Variants in NDST2 observed in about 807,000 individuals in gnomAD.
The protein encoded by NDST2 is bifunctional heparan sulfate N-deacetylase/N-sulfotransferase 2.
NDST2 carries 32 observed loss-of-function variants against 86.9 expected under a neutral mutation model. The ratio of observed to expected loss-of-function variants is 0.37; its 90% CI spans 0.28 to 0.49. The LOEUF is 0.49. NDST2 is among the 20% of genes least tolerant of loss of function. The probability of loss-of-function intolerance (pLI) is 0.97; values close to 1 mark genes in which losing one functional copy is unlikely to be tolerated. For missense variants in NDST2, 950 were observed against 1,146.9 expected (o/e 0.83, Z 2.48); for synonymous variants, 409 against 437.0 (o/e 0.94, Z 0.80).
In NDST2 at chr10:73,803,349, G is replaced by T. The variant is rs771374780; in HGVS notation, c.2153C>A (p.Ala718Asp). 6.2e-7 allele frequency: 1 copy of T among 1,614,188 alleles called. No individual in the cohort carries two copies. Among genetic ancestry groups the T allele is most frequent in the Non-Finnish European group, 8.5e-7 (1 of 1,180,014 alleles). ...GTTCAGAGCAACTGGGTCTCCATGG[G>T]CTCGCTGATGCTGAAGGACAAAGAG... is the stretch of plus-strand genomic sequence containing the variant. ...RAYSWYQHQRAHGDPVALNYT... is the reference protein window; with the variant it reads ...RAYSWYQHQRDHGDPVALNYT... The change falls in exon 12 of 15, where the codon GCC becomes GAC. Residue 718 changes from alanine (A) to aspartate (D), a missense_variant. By Grantham distance (126) the Ala-to-Asp change is moderately radical (BLOSUM62 -2). Transcript: ENST00000309979.
intron 9 of NDST2, 121 bp from the exon 10 acceptor site, chr10:73,804,137 A>G (rs2084058427): frequency 8.7e-7 from 1 of 1,149,252 alleles, no homozygotes; most frequent in East Asian, 2.4e-5. Flanking sequence ...CCTATGGCCA[A>G]ACTACAATGA....
chr10:73,807,146 G>A lies in NDST2; in HGVS notation c.1055C>T (p.Thr352Ile), dbSNP rs781011152. 1 of 1,613,978 alleles carries A rather than the reference G, an allele frequency of 6.2e-7. No homozygotes were observed. Among genetic ancestry groups the A allele is most frequent in the Non-Finnish European group, 8.5e-7 (1 of 1,180,030 alleles). Residue 352 changes from threonine to isoleucine, a missense_variant, in exon 4 of 15, where the codon ACC (threonine) becomes ATC (isoleucine). Thr to Ile is a moderately conservative substitution (Grantham distance 89). Transcript: ENST00000309979. ...CTTGCCCGAGAAGCCCAAGTTGAAGGTGAAGTTGGGAACTAAGGTCCTGAG... is the reference window on the plus strand; with the variant it reads ...CTTGCCCGAGAAGCCCAAGTTGAAGATGAAGTTGGGAACTAAGGTCCTGAG... Reference protein sequence around the residue: ...NKLRTLVPNFTFNLGFSGKFY... With the variant: ...NKLRTLVPNFIFNLGFSGKFY...
Position 73,807,413 on chromosome 10 carries a change from C to G in NDST2, c.976G>C (p.Gly326Arg), listed in dbSNP as rs1257890170. 4.3e-6 allele frequency: 7 copies of G among 1,614,228 alleles called. No individual in the cohort carries two copies. Among genetic ancestry groups the G allele is most frequent in the Non-Finnish European group, 5.1e-6 (6 of 1,180,040 alleles). The change falls in exon 3 of 15, where the codon GGG becomes CGG. Residue 326 changes from glycine to arginine, a missense_variant. Physicochemically the swap from Gly to Arg is moderately radical, Grantham distance 125. Transcript: ENST00000309979. ...ACATCAGCCACCTTCATGCGGGTCC[C>G]TTCCTTGCCCACAAAGATGTCATCG... is the stretch of plus-strand genomic sequence containing the variant. ...DIDDIFVGKE[G>R]TRMKVADVEA...
chr10:73,805,728 G>T lies in NDST2; in HGVS notation c.1605C>A (p.Asp535Glu). Residue 535 changes from aspartate (D) to glutamate (E), a missense_variant, in exon 8 of 15, where the codon GAC becomes GAA. Physicochemically the swap from Asp to Glu is conservative, Grantham distance 45. Coordinates refer to ENST00000309979, the MANE Select transcript of NDST2 (RefSeq NM_003635.4). ...TCTCAAAGGTGTATAGGCCCAGCCG[G>T]TCATTTCCATAATTGGACAGATGGG... is the stretch of plus-strand genomic sequence containing the variant. ...FMTHLSNYGNDRLGLYTFESL... is the reference protein window; with the variant it reads ...FMTHLSNYGNERLGLYTFESL... 1 of 1,614,220 alleles carries T rather than the reference G, an allele frequency of 6.2e-7. No homozygotes were observed. The highest frequency in any genetic ancestry group is 8.5e-7 in the Non-Finnish European group (1 of 1,180,040).
Position 73,802,978 on chromosome 10 carries a change from G to T in NDST2, c.2417C>A (p.Thr806Asn), listed in dbSNP as rs1168660680. 1 of 1,614,074 alleles carries T rather than the reference G, an allele frequency of 6.2e-7. No homozygotes were observed. Among genetic ancestry groups the T allele is most frequent in the South Asian group, 1.1e-5 (1 of 91,084 alleles). ...CTGGGTCATGCTCTCCCACCTGAGG[G>T]TCCGTGTGTAGTTCAGAAAGGGTGT... ...GITPFLNYTR[T>N]LRFDDDKGFW... Residue 806 changes from threonine to asparagine, a missense_variant, in exon 13 of 15, where the codon ACC becomes AAC. Coordinates refer to ENST00000309979, the MANE Select transcript of NDST2 (RefSeq NM_003635.4).
At position 73,808,281 on chromosome 10, in the gene NDST2, A is replaced by G. The variant is rs1198534404; in HGVS notation, c.108T>C (p.Tyr36=). 7.5e-6 allele frequency: 12 copies of G among 1,600,252 alleles called. No homozygotes were observed. Among genetic ancestry groups the G allele is most frequent in the South Asian group, 2.2e-5 (2 of 89,150 alleles). Residue 36 remains tyrosine, a synonymous_variant, in exon 3 of 15, where the codon TAT becomes TAC. Transcript: ENST00000309979. This position sits in a 1 kb window ranked among gnomAD's most constrained non-coding sequence, Gnocchi z 4.3. ...TGGCCTTAGGGCTGGTGGACACATAATAAGCCAGGAAGCCCATGGAGCCCA... is the reference window on the plus strand; with the variant it reads ...TGGCCTTAGGGCTGGTGGACACATAGTAAGCCAGGAAGCCCATGGAGCCCA... ...FSLGSMGFLA[Y]YVSTSPKAKE... is the part of the protein sequence containing the mutation.
chr10:73,810,268 G>A (rs1160770700), intron 2 of NDST2, among the ~76,000 whole-genome samples: 1 of 152,074 alleles, frequency 6.6e-6, no homozygotes, highest in Non-Finnish European at 1.5e-5. Context: ...GACCAGCCTG[G>A]CCAACATGGT....
Position 73,808,201 on chromosome 10 carries a change from G to A in NDST2, c.188C>T (p.Pro63Leu). 1 of 1,613,720 alleles carries A rather than the reference G, an allele frequency of 6.2e-7. No individual in the cohort carries two copies. Reference sequence around the variant, plus strand: ...TGGAACTGGAGGCCGTGCAGGGCCAGGACCAGCTGCCCCACCGCTGCTGCA... The same window carrying A: ...TGGAACTGGAGGCCGTGCAGGGCCAAGACCAGCTGCCCCACCGCTGCTGCA... ...GDCSSGGAAG[P>L]GPARPPVPPR... is the part of the protein sequence containing the mutation. The change falls in exon 3 of 15, where the codon CCT (proline) becomes CTT (leucine). Residue 63 changes from proline to leucine, a missense_variant. Coordinates refer to ENST00000309979, the MANE Select transcript of NDST2 (RefSeq NM_003635.4). The surrounding 1 kb of genome is among the most constrained non-coding windows in gnomAD (Gnocchi z 4.3).
Position 73,802,248 on chromosome 10 carries a change from A to T in NDST2, c.*203T>A. 1 of 617,664 alleles carries T rather than the reference A, an allele frequency of 1.6e-6. No individual in the cohort carries two copies. The highest frequency in any genetic ancestry group is 2.8e-6 in the Non-Finnish European group (1 of 353,498). The allele number at this position is 617,664 out of a possible 1,614,324, so 38.3% of individuals were successfully genotyped here. A position where few individuals can be genotyped will look rare whatever the true frequency, so the allele number is the denominator to read the frequency against. On this transcript the variant is annotated 3_prime_UTR_variant, in exon 15 of 15. Coordinates refer to ENST00000309979, the MANE Select transcript of NDST2 (RefSeq NM_003635.4). The stretch of plus-strand genomic sequence containing the variant: ...TGGGTCAAAGGTACCTAGCACTATT[A>T]TGTGGGGTACCAAAGGAAGCCCCTT...
Position 73,808,249 on chromosome 10 carries a change from G to A in NDST2, c.140C>T (p.Pro47Leu), listed in dbSNP as rs982559779. ...GCAGTCTCCCAAGGGCAGGGGCAAG[G>A]GTTCCTTGGCCTTAGGGCTGGTGGA... ...YVSTSPKAKE[P>L]LPLPLGDCSS... Residue 47 changes from proline to leucine, a missense_variant, in exon 3 of 15, where the codon CCC (proline) becomes CTC (leucine). Physicochemically the swap from Pro to Leu is moderately conservative, Grantham distance 98. Around this residue, in one of 5 missense-constraint regions of NDST2, gnomAD observed 6 missense variants for 26.5 expected, o/e 0.23. Coordinates refer to ENST00000309979, the MANE Select transcript of NDST2 (RefSeq NM_003635.4). This position sits in a 1 kb window ranked among gnomAD's most constrained non-coding sequence, Gnocchi z 4.3. The A allele has an allele frequency of 2.9e-5, 46 of 1,609,232 alleles. No homozygotes were observed. The highest frequency in any genetic ancestry group is 3.6e-5 in the Non-Finnish European group (42 of 1,177,870).
At chr10:73,805,223 C>T (rs979453011) in intron 8 of NDST2, among the ~76,000 whole-genome samples, 12 of 151,750 alleles carry the variant, frequency 7.9e-5, no homozygotes, top group Non-Finnish European at 1.8e-4. Context: ...CTCTTAAACC[C>T]CCACCCCGGC....
chr10:73,806,370 G>T lies in NDST2; in HGVS notation c.1353C>A (p.Gly451=). The stretch of plus-strand genomic sequence containing the variant: ...ACTCCTCAGTGCTGGTCACCTGGAT[G>T]CCCCACACGGATTTCCAGGCCTCAT... ...QLYEAWKSVW[G]IQVTSTEEYP... is the part of the protein sequence containing the mutation. The change falls in exon 6 of 15, where the codon GGC becomes GGA. Residue 451 remains glycine, a synonymous_variant. Coordinates refer to ENST00000309979, the MANE Select transcript of NDST2 (RefSeq NM_003635.4). This position sits in a 1 kb window ranked among gnomAD's most constrained non-coding sequence, Gnocchi z 4.5. 1 of 1,614,154 alleles carries T rather than the reference G, an allele frequency of 6.2e-7. No individual in the cohort carries two copies. Among genetic ancestry groups the T allele is most frequent in the South Asian group, 1.1e-5 (1 of 91,080 alleles).
At position 73,811,501 on chromosome 10, in the gene NDST2, T is replaced by TCCC. The variant is rs1454441400; in HGVS notation, c.-477_-475dup. ...GGAGGACTGGGCGGCGTCCCCGCTG[T>TCCC]CCCCGGGCTCCGCCGCGTCCCGGGG... On this transcript the variant is annotated 5_prime_UTR_variant, in exon 1 of 15. Coordinates refer to ENST00000309979, the MANE Select transcript of NDST2 (RefSeq NM_003635.4). The TCCC allele has an allele frequency of 6.6e-6, 1 of 151,786 alleles. No homozygotes were observed. Among genetic ancestry groups the TCCC allele is most frequent in the Non-Finnish European group, 1.5e-5 (1 of 67,912 alleles). 9.4% of individuals were successfully genotyped at this position (151,786 alleles called of 1,614,324 possible). A position where few individuals can be genotyped will look rare whatever the true frequency, so the allele number is the denominator to read the frequency against.
At chr10:73,805,221 C>A (rs1361818654) in intron 8 of NDST2, among the ~76,000 whole-genome samples, 1 of 151,196 alleles carries the variant, frequency 6.6e-6, no homozygotes, top group Non-Finnish European at 1.5e-5. Context: ...TTCTCTTAAA[C>A]CCCCACCCCG....
chr10:73,803,259 T>C lies in NDST2; in HGVS notation c.2243A>G (p.Asn748Ser). 1.2e-6 allele frequency: 2 copies of C among 1,614,126 alleles called. No homozygotes were observed. The highest frequency in any genetic ancestry group is 8.5e-7 in the Non-Finnish European group (1 of 1,180,004). The stretch of plus-strand genomic sequence containing the variant: ...ATAGTAGCCAGGGACAAGACAGCGG[T>C]TCTGCAGGGAGCGTAGTGCCAGAGG... ...QTPLALRSLQ[N>S]RCLVPGYYST... is the part of the protein sequence containing the mutation. The change falls in exon 12 of 15, where the codon AAC (asparagine) becomes AGC (serine). Residue 748 changes from asparagine to serine, a missense_variant. Asn to Ser is a conservative substitution (Grantham distance 46). This residue lies in a region of NDST2 where 303 missense variants were observed against 323.7 expected (regional missense o/e 0.94). Coordinates refer to ENST00000309979, the MANE Select transcript of NDST2 (RefSeq NM_003635.4).
At chr10:73,805,398 C>A (rs1461090312) in intron 8 of NDST2, among the ~76,000 whole-genome samples, 189 bp downstream of exon 8, 1 of 151,972 alleles carries the variant, frequency 6.6e-6, no homozygotes, top group Admixed American at 6.5e-5. Flanking sequence ...CGTGTAATCC[C>A]AGCTACTAGG....
rs1353438172 is a variant in NDST2, at chr10:73,811,478, A to C, written c.-451T>G. On this transcript the variant is annotated 5_prime_UTR_variant, in exon 1 of 15. Transcript: ENST00000309979. The stretch of plus-strand genomic sequence containing the variant: ...GTCTCCTCAGGGGCGGCTCACCCGG[A>C]GGACTGGGCGGCGTCCCCGCTGTCC... 3.3e-5 allele frequency: 5 copies of C among 151,920 alleles called. No homozygotes were observed. Among genetic ancestry groups the C allele is most frequent in the African/African-American group, 1.2e-4 (5 of 41,320 alleles). The allele number at this position is 151,920 out of a possible 1,614,324, so 9.4% of individuals were successfully genotyped here.
chr10:73,811,713 G>A (rs1463049100), upstream of NDST2: 1 of 152,154 alleles, frequency 6.6e-6, no homozygotes, highest in Non-Finnish European at 1.5e-5. Flanking sequence ...TGGGTTCCGG[G>A]AAATCAAGCG....
chr10:73,806,633 G>A lies in NDST2; in HGVS notation c.1248+24C>T, dbSNP rs2084107776. 2 of 1,603,350 alleles carry A rather than the reference G, an allele frequency of 1.2e-6. No individual in the cohort carries two copies. The highest frequency in any genetic ancestry group is 1.7e-5 in the Admixed American group (1 of 59,776). On this transcript the variant is annotated intron_variant, in intron 5 of 14. Transcript: ENST00000309979. This position sits in a 1 kb window ranked among gnomAD's most constrained non-coding sequence, Gnocchi z 4.5. ...AGGAAGCATGGCTGGGAGAAATTAT[G>A]GGGAAGAGATCCAAGGGTCTCACCA...
Sources: gnomAD v4.1 joint callset for allele counts (sites outside exome capture counted in the v4.1 genomes callset) on GRCh38, gnomAD v4.1.1 for gene constraint, gnomAD v4.1.1 regional missense constraint, Gnocchi (gnomAD v3.1) non-coding constraint, MANE v1.5 for transcripts, NCBI Gene and HGNC (gene_info 2026-07-23, HGNC 2026-07-21) for gene names.